GDPD4: variants seen among roughly 807,000 people sequenced by gnomAD.
The protein encoded by GDPD4 is glycerophosphodiester phosphodiesterase 6.
GDPD4 carries 60 observed loss-of-function variants against 67.8 expected under a neutral mutation model. The observed-to-expected ratio is 0.88, with a 90% confidence interval of 0.72 to 1.10. GDPD4 has a LOEUF of 1.10. Among genes scored for constraint, GDPD4 ranks in the 50% least tolerant of loss-of-function variants. The pLI is 0.00. For synonymous variants in GDPD4, 212 were observed against 210.9 expected (o/e 1.00, Z -0.04); for missense variants, 623 against 613.9 (o/e 1.01, Z -0.16).
At chr11:77,224,341 A>G (rs1430472380) in intron 16 of GDPD4, 1 of 152,238 alleles carries the variant, frequency 6.6e-6, no homozygotes, top group African/African-American at 2.4e-5. Context: ...ACCTCAGGAT[A>G]GTTACCTCTC....
At chr11:77,256,875 C>A (rs1054589151) in intron 11 of GDPD4, among the ~76,000 whole-genome samples, 5 of 152,194 alleles carry the variant, frequency 3.3e-5, no homozygotes, top group Non-Finnish European at 7.3e-5. Flanking sequence ...GCATGTAGAA[C>A]CATGAGTCAA....
chr11:77,252,599 C>T (rs1326393831), intron 11 of GDPD4, among the ~76,000 whole-genome samples: 2 of 152,078 alleles, frequency 1.3e-5, no homozygotes, highest in African/African-American at 4.8e-5. Context: ...TCTTGTGCCC[C>T]TGTGCTAATG....
intron 5 of GDPD4, among the ~76,000 whole-genome samples, chr11:77,274,432 G>A (rs1455861279): frequency 6.6e-6 from 1 of 152,162 alleles, no homozygotes; most frequent in African/African-American, 2.4e-5. Context: ...TGTCCTTGCA[G>A]TAATGAGTGG....
intron 16 of GDPD4, among the ~76,000 whole-genome samples, chr11:77,225,350 C>G (rs970298586): frequency 5.4e-5 from 8 of 148,508 alleles, no homozygotes; most frequent in African/African-American, 2.0e-4. Flanking sequence ...TACTAACAAA[C>G]AGCTGTGTAA....
At position 77,268,690 on chromosome 11, in the gene GDPD4, C is replaced by T. The variant is rs537175660; in HGVS notation, c.625-151G>A. On this transcript the variant is annotated intron_variant, in intron 9 of 16. Transcript: ENST00000315938. ...AAAACCTGTATACCCTCCGTCCAAGCTGATTCTGGGACTCTGCTCATCTGA... is the reference window on the plus strand; with the variant it reads ...AAAACCTGTATACCCTCCGTCCAAGTTGATTCTGGGACTCTGCTCATCTGA... The T allele has an allele frequency of 1.2e-5, 9 of 755,756 alleles. No individual in the cohort carries two copies. The East Asian group carries it at 2.0e-4, about 17-fold the overall frequency. 46.8% of individuals were successfully genotyped at this position (755,756 alleles called of 1,614,324 possible). A position where few individuals can be genotyped will look rare whatever the true frequency, so the allele number is the denominator to read the frequency against.
chr11:77,226,162 T>C (rs1032906854), intron 16 of GDPD4, among the ~76,000 whole-genome samples: 2 of 152,224 alleles, frequency 1.3e-5, no homozygotes, highest in African/African-American at 2.4e-5. Flanking sequence ...TAGGTTTATA[T>C]AGTTCTTCAA....
intron 16 of GDPD4, among the ~76,000 whole-genome samples, chr11:77,221,793 CCTT>C: frequency 6.8e-6 from 1 of 146,656 alleles, no homozygotes; most frequent in Non-Finnish European, 1.5e-5. Context: ...TCCTTGTTAA[CCTT>C]CTGTCTCGTT....
chr11:77,234,020 T>G (rs1958503285), intron 13 of GDPD4, among the ~76,000 whole-genome samples: 1 of 152,134 alleles, frequency 6.6e-6, no homozygotes, highest in Non-Finnish European at 1.5e-5. Context: ...GGGATTCAAT[T>G]TCTCAGAAAA....
chr11:77,219,783 C>CT (rs1405334029), intron 16 of GDPD4, among the ~76,000 whole-genome samples: 2 of 151,898 alleles, frequency 1.3e-5, no homozygotes, highest in Non-Finnish European at 2.9e-5. Flanking sequence ...TTACTGTAGC[C>CT]TTGTAGTATA....
chr11:77,239,942 A>G lies in GDPD4; in HGVS notation c.1241+3752T>C, dbSNP rs1958632256. On this transcript the variant is annotated intron_variant, in intron 13 of 16. Transcript: ENST00000315938. ...GTGCCACTGCACTCCAGCCTAGATG[A>G]CGGAGCAAGACTGCCTCAGAAAAAA... Among the ~76,000 whole-genome samples, 4 of 150,688 alleles carry G rather than the reference A, an allele frequency of 2.7e-5. No individual in the cohort carries two copies. The Admixed American group carries it at 2.7e-4, about 10-fold the overall frequency.
chr11:77,265,766 A>T (rs1411884300), intron 10 of GDPD4, among the ~76,000 whole-genome samples: 1 of 152,196 alleles, frequency 6.6e-6, no homozygotes, highest in East Asian at 1.9e-4. Flanking sequence ...AAGATACAGA[A>T]AAGTAAATAT....
intron 14 of GDPD4, among the ~76,000 whole-genome samples, chr11:77,232,241 A>G (rs1024189137): frequency 6.6e-6 from 1 of 152,252 alleles, no homozygotes; most frequent in Admixed American, 6.5e-5. Context: ...GAAAAGCTAC[A>G]GGACCTAAGT....
intron 1 of GDPD4, among the ~76,000 whole-genome samples, chr11:77,300,887 T>C (rs1245247397): frequency 6.6e-6 from 1 of 152,142 alleles, no homozygotes; most frequent in Non-Finnish European, 1.5e-5. Flanking sequence ...TATATAGAAC[T>C]TGGTGTGACT....
chr11:77,241,053 A>G (rs1210998042), intron 13 of GDPD4, among the ~76,000 whole-genome samples: 2 of 152,216 alleles, frequency 1.3e-5, no homozygotes, highest in Non-Finnish European at 2.9e-5. Context: ...TAACATACAT[A>G]TGATCCAGAA....
intron 11 of GDPD4, among the ~76,000 whole-genome samples, chr11:77,249,073 T>C (rs1565521150): frequency 6.6e-6 from 1 of 151,582 alleles, no homozygotes; most frequent in Non-Finnish European, 1.5e-5. Context: ...GAGACCATCC[T>C]GGCCAACATG....
At chr11:77,271,267 AGT>A in intron 6 of GDPD4, 26 bp downstream of exon 6, 1 of 1,606,682 alleles carries the variant, frequency 6.2e-7, no homozygotes, top group Non-Finnish European at 8.5e-7. Context: ...CTAGACAGCT[AGT>A]GCTGGAGCTA....
intron 14 of GDPD4, 127 bp from the exon 15 acceptor site, chr11:77,229,359 A>T (rs1958410845): frequency 5.0e-6 from 3 of 596,204 alleles, no homozygotes; most frequent in African/African-American, 1.9e-5. Context: ...CAGGCCAAGG[A>T]ACCTTGATTG....
Position 77,243,688 on chromosome 11 carries a change from A to C in GDPD4, c.1241+6T>G. Reference sequence around the variant, plus strand: ...TGTGCCAAGAGAGGTGTGGTCAAACACTTACCTTAACCCATTAGGGAACAA... The same window carrying C: ...TGTGCCAAGAGAGGTGTGGTCAAACCCTTACCTTAACCCATTAGGGAACAA... On this transcript the variant is annotated splice_donor_region_variant and intron_variant, in intron 13 of 16. Transcript: ENST00000315938. 6.2e-7 allele frequency: 1 copy of C among 1,609,300 alleles called. No homozygotes were observed. Among genetic ancestry groups the C allele is most frequent in the South Asian group, 1.1e-5 (1 of 90,922 alleles).
chr11:77,275,889 G>C (rs1354196823), intron 5 of GDPD4, among the ~76,000 whole-genome samples: 31 of 152,224 alleles, frequency 2.0e-4, no homozygotes, highest in Admixed American at 2.0e-3. Context: ...GGAATGGGAA[G>C]AACAGGGCTA....
Sources: gnomAD v4.1 joint callset for allele counts (sites outside exome capture counted in the v4.1 genomes callset) on GRCh38, gnomAD v4.1.1 for gene constraint, MANE v1.5 for transcripts, NCBI Gene and HGNC (gene_info 2026-07-23, HGNC 2026-07-21) for gene names.